The following SOX5 variants were observed in gnomAD, a reference collection of about 807,000 sequenced individuals.
SOX5 encodes the protein transcription factor SOX-5.
A neutral mutation model predicts 92.0 loss-of-function variants in SOX5; 9 were observed. The observed-to-expected ratio is 0.10, with a 90% CI of 0.06 to 0.17. The LOEUF is 0.17. SOX5 is among the 10% of genes least tolerant of loss of function. SOX5 has a pLI of 1.00. For synonymous variants in SOX5, 344 were observed against 336.3 expected (o/e 1.02, Z -0.25); for missense variants, 642 against 944.5 (o/e 0.68, Z 4.20).
At chr12:24,291,761 T>C (rs1946647308) in intron 2 of SOX5, among the ~76,000 whole-genome samples, 1 of 152,204 alleles carries the variant, frequency 6.6e-6, no homozygotes, top group Non-Finnish European at 1.5e-5. Flanking sequence ...ACTGACTAAA[T>C]GAGCAAAAAA....
At chr12:23,948,529 T>C (rs1338484016) in intron 1 of SOX5, among the ~76,000 whole-genome samples, 1 of 151,844 alleles carries the variant, frequency 6.6e-6, no homozygotes, top group Non-Finnish European at 1.5e-5. Context: ...ATACAACAAA[T>C]GTTTATACAG....
At chr12:24,513,296 G>T (rs1215380025) in intron 1 of SOX5, among the ~76,000 whole-genome samples, 1 of 152,170 alleles carries the variant, frequency 6.6e-6, no homozygotes, top group Non-Finnish European at 1.5e-5. Context: ...GGGCTTATGG[G>T]GAAATAACCC....
At chr12:23,816,201 A>C (rs891112721) in intron 3 of SOX5, among the ~76,000 whole-genome samples, 1 of 140,386 alleles carries the variant, frequency 7.1e-6, no homozygotes, top group African/African-American at 2.6e-5. Context: ...CACTTGGACA[A>C]GATTTCTTTT....
At chr12:23,998,825 A>AAAGG (rs1555466998) in intron 4 of SOX5, among the ~76,000 whole-genome samples, 1 of 129,956 alleles carries the variant, frequency 7.7e-6, no homozygotes, top group East Asian at 2.4e-4. Context: ...AAAAAAAAAA[A>AAAGG]GGGGGGGCGA....
intron 11 of SOX5, among the ~76,000 whole-genome samples, chr12:23,561,568 G>C (rs1365852601): frequency 6.6e-6 from 1 of 152,118 alleles, no homozygotes; most frequent in Non-Finnish European, 1.5e-5. Flanking sequence ...TGACTGATCT[G>C]TAACCACAGC....
intron 4 of SOX5, among the ~76,000 whole-genome samples, chr12:23,995,877 C>T (rs1236043953): frequency 6.6e-6 from 1 of 152,118 alleles, no homozygotes; most frequent in Non-Finnish European, 1.5e-5. Flanking sequence ...GGTTAAACCT[C>T]TAATGGAATA....
intron 1 of SOX5, among the ~76,000 whole-genome samples, chr12:23,899,263 T>G (rs1244076976): frequency 1.3e-5 from 2 of 152,050 alleles, no homozygotes; most frequent in African/African-American, 4.8e-5. Flanking sequence ...TAGCTGGGCA[T>G]GGTGGTGCAT....
intron 4 of SOX5, among the ~76,000 whole-genome samples, chr12:24,151,617 G>A (rs1223286808): frequency 6.6e-6 from 1 of 152,038 alleles, no homozygotes; most frequent in African/African-American, 2.4e-5. Flanking sequence ...TGTGATAGCA[G>A]TGTCCGCAGG....
At chr12:23,705,614 G>T (rs1463047604) in intron 6 of SOX5, among the ~76,000 whole-genome samples, 1 of 152,012 alleles carries the variant, frequency 6.6e-6, no homozygotes, top group African/African-American at 2.4e-5. Context: ...TTGTATAAAG[G>T]CCTTATTTTC....
intron 8 of SOX5, among the ~76,000 whole-genome samples, chr12:23,631,105 C>T (rs988448437): frequency 8.6e-5 from 13 of 151,812 alleles, no homozygotes; most frequent in African/African-American, 2.9e-4. Context: ...GATAAAAATC[C>T]ATGGATAATA....
At position 24,169,746 on chromosome 12, in the gene SOX5, G is replaced by A. The variant is rs148024740; in HGVS notation, c.-2+43597C>T. On this transcript the variant is annotated intron_variant, in intron 4 of 4. Transcript: ENST00000446891. ...TGCGATGCTGCATAATGGTAGCCTT[G>A]AGCAAATTATTCCCCTCAAAGATAT... Among the ~76,000 whole-genome samples the A allele has an allele frequency of 1.9e-3, 289 of 152,318 alleles. 3 individuals carry two copies. Among genetic ancestry groups the A allele is most frequent in the Non-Finnish European group, 4.3e-4 (29 of 68,030 alleles).
At chr12:23,960,532 T>TATAC (rs1555451986) in intron 4 of SOX5, among the ~76,000 whole-genome samples, 1 of 31,518 alleles carries the variant, frequency 3.2e-5, no homozygotes, top group African/African-American at 5.9e-5. Context: ...TATATATACA[T>TATAC]ATATATATAT....
chr12:24,378,571 A>G (rs1023812044), intron 1 of SOX5, among the ~76,000 whole-genome samples: 1 of 152,124 alleles, frequency 6.6e-6, no homozygotes, highest in African/African-American at 2.4e-5. Context: ...CCATATTTAC[A>G]TATTTTTAAT....
chr12:23,734,564 G>A, intron 6 of SOX5, 120 bp downstream of exon 6: 1 of 719,614 alleles, frequency 1.4e-6, no homozygotes, highest in African/African-American at 1.8e-5. Context: ...GAGGTGCTAT[G>A]TCATGAATTA....
rs147056006 is a variant in SOX5 at position 24,047,352 on chromosome 12, A to C, written c.-1-151328T>G. 6.1e-3 allele frequency among the ~76,000 whole-genome samples: 937 copies of C among 152,358 alleles called. 13 individuals carry two copies. The highest frequency in any genetic ancestry group is 0.02 in the African/African-American group (849 of 41,584). ...ATTTAATGGAAATGGACTTTAAATG[A>C]AGCAAAAAGGATTGAGGTTACACAC... On this transcript the variant is annotated intron_variant, in intron 4 of 4. Coordinates refer to the SOX5 transcript ENST00000446891.
chr12:24,127,413 A>ATAG lies in SOX5; in HGVS notation c.-2+85929_-2+85930insCTA, dbSNP rs1949214574. On this transcript the variant is annotated intron_variant, in intron 4 of 4. Coordinates refer to the SOX5 transcript ENST00000446891. ...CTCAATAATAATAATAATGATAATA[A>ATAG]TAATAATAATAATAATACCAATTGG... Among the ~76,000 whole-genome samples the ATAG allele has an allele frequency of 1.3e-5, 2 of 149,876 alleles. 1 individual carries two copies. Among genetic ancestry groups the ATAG allele is most frequent in the South Asian group, 4.2e-4 (2 of 4,764 alleles).
chr12:24,085,620 C>A (rs11047252), intron 4 of SOX5, among the ~76,000 whole-genome samples: 41,372 of 151,852 alleles, frequency 0.27, 6,319 homozygotes, highest in East Asian at 0.62. Flanking sequence ...CCACATACAC[C>A]TTAGAAACTA....
intron 2 of SOX5, among the ~76,000 whole-genome samples, chr12:24,329,325 A>G (rs1951043153): frequency 6.6e-6 from 1 of 152,184 alleles, no homozygotes; most frequent in African/African-American, 2.4e-5. Flanking sequence ...TCATGATGGA[A>G]GGGGAAGGTA....
At chr12:23,780,892 T>G (rs547658847) in intron 3 of SOX5, among the ~76,000 whole-genome samples, 1 of 151,872 alleles carries the variant, frequency 6.6e-6, no homozygotes, top group Non-Finnish European at 1.5e-5. Flanking sequence ...GGCAGGGAAA[T>G]GTAGAGGCTC....
Sources: allele counts gnomAD v4.1 joint callset (sites outside exome capture counted in the v4.1 genomes callset), GRCh38; gene constraint gnomAD v4.1.1; transcripts MANE v1.5; gene names NCBI Gene and HGNC (gene_info 2026-07-23, HGNC 2026-07-21).